NIPAL2: variants seen among roughly 807,000 people sequenced by gnomAD.
NIPAL2 encodes the protein NIPA-like protein 2.
A neutral mutation model predicts 48.9 loss-of-function variants in NIPAL2; 43 were observed. The observed-to-expected ratio is 0.88, with a 90% confidence interval of 0.69 to 1.13. The LOEUF is 1.13. NIPAL2 is among the 50% of genes most tolerant of loss of function. The pLI, the probability that NIPAL2 is intolerant of heterozygous loss-of-function variation, is 0.00. For missense variants in NIPAL2, 446 were observed against 461.4 expected, an observed-to-expected ratio of 0.97 and a Z score of 0.31; for synonymous variants, 167 against 174.6, an observed-to-expected ratio of 0.96 and a Z score of 0.34.
chr8:98,194,825 G>T lies in NIPAL2; in HGVS notation c.945-3C>A, dbSNP rs755379377. 1.3e-6 allele frequency: 2 copies of T among 1,528,146 alleles called. No homozygotes were observed. The highest frequency in any genetic ancestry group is 8.8e-7 in the Non-Finnish European group (1 of 1,136,132). 94.7% of individuals were successfully genotyped at this position (1,528,146 alleles called of 1,614,324 possible). ...CACCAAGGAATGACAGAAAACACCT[G>T]TAAGGATAATATTAATAAAGAATAC... On this transcript the variant is annotated splice_region_variant and splice_polypyrimidine_tract_variant and intron_variant, in intron 9 of 10. Coordinates refer to ENST00000430223, the MANE Select transcript of NIPAL2 (RefSeq NM_001321635.2).
intron 4 of NIPAL2, among the ~76,000 whole-genome samples, chr8:98,222,802 T>G (rs1811971494): frequency 6.6e-6 from 1 of 152,194 alleles, no homozygotes; most frequent in Non-Finnish European, 1.5e-5. Context: ...AGCCGGGGGA[T>G]GGATGGGGCA....
intron 7 of NIPAL2, among the ~76,000 whole-genome samples, chr8:98,203,601 A>T (rs1810901609): frequency 6.6e-6 from 1 of 152,204 alleles, no homozygotes; most frequent in African/African-American, 2.4e-5. Context: ...ATGGAGAAGT[A>T]AAGGAATGTT....
chr8:98,222,711 C>G (rs1377524278), intron 4 of NIPAL2, 111 bp from the exon 5 acceptor site: 4 of 1,003,948 alleles, frequency 4.0e-6, no homozygotes, highest in Non-Finnish European at 6.0e-6. Flanking sequence ...AATCGCCCCT[C>G]CCTATTATAC....
intron 3 of NIPAL2, among the ~76,000 whole-genome samples, chr8:98,242,490 T>TTTTTGTTTTTTTG (rs1198293401): frequency 3.8e-5 from 3 of 78,950 alleles, no homozygotes; most frequent in Non-Finnish European, 5.5e-5. Context: ...CCTGACAGAT[T>TTTTTGTTTTTTTG]TTTTTTTTTT....
intron 4 of NIPAL2, among the ~76,000 whole-genome samples, chr8:98,229,614 G>C (rs892094605): frequency 6.6e-6 from 1 of 152,164 alleles, no homozygotes; most frequent in Non-Finnish European, 1.5e-5. Flanking sequence ...CTGGTCTCAA[G>C]TGAACCTCCC....
chr8:98,265,443 C>T (rs1425247568), intron 1 of NIPAL2, among the ~76,000 whole-genome samples: 3 of 126,164 alleles, frequency 2.4e-5, no homozygotes, highest in Non-Finnish European at 5.0e-5. Context: ...AAGAAAAAAA[C>T]AAACAACCCC....
intron 5 of NIPAL2, among the ~76,000 whole-genome samples, chr8:98,215,128 C>T (rs1385742047): frequency 6.6e-6 from 1 of 152,162 alleles, no homozygotes; most frequent in Non-Finnish European, 1.5e-5. Flanking sequence ...TTAGGTAAAT[C>T]GATTCTCATG....
At chr8:98,269,267 T>G (rs749603183) in intron 1 of NIPAL2, among the ~76,000 whole-genome samples, 1 of 152,212 alleles carries the variant, frequency 6.6e-6, no homozygotes, top group Non-Finnish European at 1.5e-5. Flanking sequence ...GTGAACCCTT[T>G]CCAGAATTTA....
At position 98,216,552 on chromosome 8, in the gene NIPAL2, T is replaced by C. The variant is rs942473410; in HGVS notation, c.559-4051A>G. ...TTTTCTCCCTTAGGTTTCTAATACC[T>C]GATGGTGGGTTTTGTTGCAGCTTTG... On this transcript the variant is annotated intron_variant, in intron 5 of 10. Coordinates refer to ENST00000430223, the MANE Select transcript of NIPAL2 (RefSeq NM_001321635.2). Among the ~76,000 whole-genome samples, 12 of 152,356 alleles carry C rather than the reference T, an allele frequency of 7.9e-5. No individual in the cohort carries two copies. In the East Asian group the frequency reaches 2.3e-3, roughly 29 times the overall value.
At chr8:98,220,209 C>G (rs1563497293) in intron 5 of NIPAL2, among the ~76,000 whole-genome samples, 2 of 152,086 alleles carry the variant, frequency 1.3e-5, no homozygotes, top group Admixed American at 1.3e-4. Context: ...GTCATATACA[C>G]TAGGAACTGC....
chr8:98,253,070 G>A (rs1414625866), intron 2 of NIPAL2, among the ~76,000 whole-genome samples: 1 of 151,824 alleles, frequency 6.6e-6, no homozygotes, highest in African/African-American at 2.4e-5. Context: ...TGGCCCTCTC[G>A]GTTATCAGAT....
intron 1 of NIPAL2, among the ~76,000 whole-genome samples, chr8:98,284,906 A>G (rs1816070118): frequency 6.6e-6 from 1 of 152,136 alleles, no homozygotes; most frequent in Non-Finnish European, 1.5e-5. Flanking sequence ...ATAGAGACCA[A>G]GCAGAGGACA....
chr8:98,289,289 T>C (rs1816367042), intron 1 of NIPAL2, among the ~76,000 whole-genome samples: 1 of 152,152 alleles, frequency 6.6e-6, no homozygotes, highest in Non-Finnish European at 1.5e-5. Flanking sequence ...ATTCAGCTGA[T>C]TGCATCAATG....
Position 98,203,322 on chromosome 8 carries a change from G to A in NIPAL2, c.792-126C>T, listed in dbSNP as rs1031436180. On this transcript the variant is annotated intron_variant, in intron 7 of 10. Coordinates refer to ENST00000430223, the MANE Select transcript of NIPAL2 (RefSeq NM_001321635.2). Reference sequence around the variant, plus strand: ...AAGGGAAAGGAGGTGCAGTGAAAGGGCATTTCCAATCAGCAGTCATAGCTT... The same window carrying A: ...AAGGGAAAGGAGGTGCAGTGAAAGGACATTTCCAATCAGCAGTCATAGCTT... 7 of 708,770 alleles carry A rather than the reference G, an allele frequency of 9.9e-6. No homozygotes were observed. In the African/African-American group the frequency reaches 1.1e-4, roughly 11 times the overall value. 43.9% of individuals were successfully genotyped at this position (708,770 alleles called of 1,614,324 possible). A position where few individuals can be genotyped will look rare whatever the true frequency, so the allele number is the denominator to read the frequency against.
chr8:98,239,978 A>T (rs1812904456), intron 3 of NIPAL2, among the ~76,000 whole-genome samples: 2 of 152,260 alleles, frequency 1.3e-5, no homozygotes, highest in South Asian at 4.1e-4. Flanking sequence ...AGTAGTTGCT[A>T]TCACAATAAC....
chr8:98,256,227 T>C (rs1323577789), intron 1 of NIPAL2, among the ~76,000 whole-genome samples: 1 of 152,116 alleles, frequency 6.6e-6, no homozygotes, highest in African/African-American at 2.4e-5. Flanking sequence ...TTTCGCCATG[T>C]TGGTCAGGCT....
In NIPAL2 at chr8:98,274,263, ATCTATCTC is replaced by A. The variant is rs1234993668; in HGVS notation, c.135+19732_135+19739del. ...TACATATTCTATCATCTATCTATCT[ATCTATCTC>A]TCTATCTATCTATCTATCCATCCAC... On this transcript the variant is annotated intron_variant, in intron 1 of 10. Coordinates refer to ENST00000430223, the MANE Select transcript of NIPAL2 (RefSeq NM_001321635.2). 2.6e-5 allele frequency among the ~76,000 whole-genome samples: 4 copies of A among 151,902 alleles called. No homozygotes were observed. In the South Asian group the frequency reaches 6.2e-4, roughly 24 times the overall value.
chr8:98,237,527 C>T (rs147616434), intron 3 of NIPAL2, among the ~76,000 whole-genome samples: 56 of 152,196 alleles, frequency 3.7e-4, no homozygotes, highest in African/African-American at 1.2e-3. Flanking sequence ...AAATGCAAAT[C>T]TAATGTAAAT....
intron 3 of NIPAL2, among the ~76,000 whole-genome samples, chr8:98,243,784 C>T (rs554313738): frequency 1.3e-4 from 19 of 148,618 alleles, no homozygotes; most frequent in African/African-American, 4.8e-4. Flanking sequence ...TTTTACATGT[C>T]AGTTTAGAAC....
Sources: gnomAD v4.1 joint callset for allele counts (sites outside exome capture counted in the v4.1 genomes callset) on GRCh38, gnomAD v4.1.1 for gene constraint, MANE v1.5 for transcripts, NCBI Gene and HGNC (gene_info 2026-07-23, HGNC 2026-07-21) for gene names.